The following SAP130 variants were observed in gnomAD, a reference collection of about 807,000 sequenced individuals.
SAP130 encodes the protein Sin3A associated protein 130, also known as histone deacetylase complex subunit SAP130.
SAP130 carries 16 observed loss-of-function variants against 103.2 expected under a neutral mutation model. That is an observed-to-expected ratio of 0.16 (90% CI 0.10 to 0.24). The LOEUF is 0.24. Ranked by LOEUF, SAP130 falls within the 10% of genes least tolerant of loss-of-function variation. The pLI is 1.00. For missense variants in SAP130, 990 were observed against 1,359.7 expected (o/e 0.73, Z 4.28); for synonymous variants, 477 against 497.0 (o/e 0.96, Z 0.53).
chr2:128,007,199 T>C (rs1415308663), intron 7 of SAP130, among the ~76,000 whole-genome samples: 4 of 152,152 alleles, frequency 2.6e-5, no homozygotes. Context: ...GGATTGAAAA[T>C]ATTCAAAGGG....
chr2:127,950,017 CA>C (rs1387026234), intron 17 of SAP130, 23 bp from the exon 18 acceptor site: 1 of 1,613,320 alleles, frequency 6.2e-7, no homozygotes, highest in Non-Finnish European at 8.5e-7. Flanking sequence ...AGACATTAAA[CA>C]ACTTAGTAAC....
At position 127,942,124 on chromosome 2, in the gene SAP130, C is replaced by A. The variant is rs1487720210; in HGVS notation, c.3056G>T (p.Ser1019Ile). Reference sequence around the variant, plus strand: ...CTTAAGCATGGAGTCTCTGGCTTCACTGATTTGATCCATCACAAGTTTACA... The same window carrying A: ...CTTAAGCATGGAGTCTCTGGCTTCAATGATTTGATCCATCACAAGTTTACA... ...QRCKLVMDQI[S>I]EARDSMLKVL... Residue 1019 changes from serine (S) to isoleucine (I), a missense_variant, in exon 21 of 21, where the codon AGT (serine) becomes ATT (isoleucine). Ser to Ile is a moderately radical substitution (Grantham distance 142). Coordinates refer to ENST00000643581, the MANE Select transcript of SAP130 (RefSeq NM_001330301.2). The surrounding 1 kb of genome is among the most constrained non-coding windows in gnomAD (Gnocchi z 4.8). The A allele has an allele frequency of 2.5e-6, 4 of 1,602,340 alleles. No individual in the cohort carries two copies. The African/African-American group carries it at 4.1e-5, about 16-fold the overall frequency.
chr2:127,965,421 G>T (rs913719745), intron 15 of SAP130, among the ~76,000 whole-genome samples: 4 of 152,068 alleles, frequency 2.6e-5, no homozygotes, highest in African/African-American at 9.7e-5. Context: ...AGCCAAGCCA[G>T]GATTGTGCCA....
chr2:127,992,921 C>T (rs998057145), intron 12 of SAP130, among the ~76,000 whole-genome samples: 1 of 152,156 alleles, frequency 6.6e-6, no homozygotes, highest in Non-Finnish European at 1.5e-5. Flanking sequence ...TTCATTGTAA[C>T]TACTGTCATT....
chr2:127,998,754 G>C (rs1683344363), intron 10 of SAP130, among the ~76,000 whole-genome samples: 1 of 152,218 alleles, frequency 6.6e-6, no homozygotes, highest in African/African-American at 2.4e-5. Context: ...TCATGGTGGA[G>C]GGTCAGGAGG....
At chr2:128,015,307 TG>T (rs1189387531) in intron 4 of SAP130, among the ~76,000 whole-genome samples, 1 of 152,202 alleles carries the variant, frequency 6.6e-6, no homozygotes, top group Non-Finnish European at 1.5e-5. Flanking sequence ...TAAGCTTTTT[TG>T]TTTCTAAGTA....
chr2:128,003,028 G>A (rs551158260), intron 7 of SAP130, among the ~76,000 whole-genome samples: 9 of 152,130 alleles, frequency 5.9e-5, no homozygotes, highest in East Asian at 1.9e-4. Context: ...TTGGGAGGCC[G>A]AAGTGGGAGG....
At chr2:127,947,765 T>TGTGTGTGTGAGTGA (rs1491129151) in intron 18 of SAP130, among the ~76,000 whole-genome samples, 1 of 5,168 alleles carries the variant, frequency 1.9e-4, no homozygotes, top group Admixed American at 2.8e-3. Context: ...TGTGTGTGTC[T>TGTGTGTGTGAGTGA]GTGTGTGTGT....
Position 127,989,714 on chromosome 2 carries a change from C to T in SAP130, c.1630G>A (p.Gly544Ser), listed in dbSNP as rs1181051013. Residue 544 changes from glycine (G) to serine (S), a missense_variant, in exon 13 of 21, where the codon GGT becomes AGT. Physicochemically the swap from Gly to Ser is moderately conservative, Grantham distance 56. This residue lies in a region of SAP130 where 336 missense variants were observed against 520.1 expected (regional missense o/e 0.65). Transcript: ENST00000643581. The surrounding 1 kb of genome is among the most constrained non-coding windows in gnomAD (Gnocchi z 4.6). ...GIQPAPISTQ[G>S]IQPAPIGTPG... Reference sequence around the variant, plus strand: ...GTCCCAATGGGGGCCGGCTGGATACCCTGGGTACTGATGGGTGCTGGCTGG... The same window carrying T: ...GTCCCAATGGGGGCCGGCTGGATACTCTGGGTACTGATGGGTGCTGGCTGG... The T allele has an allele frequency of 6.2e-7, 1 of 1,613,880 alleles. No homozygotes were observed. Among genetic ancestry groups the T allele is most frequent in the African/African-American group, 1.3e-5 (1 of 74,842 alleles).
intron 14 of SAP130, among the ~76,000 whole-genome samples, chr2:127,985,283 T>C (rs976647719): frequency 6.6e-6 from 1 of 152,250 alleles, no homozygotes; most frequent in African/African-American, 2.4e-5. Context: ...TGACTTATCC[T>C]TTAAAAAAGT....
chr2:127,980,402 T>A (rs577113942), intron 14 of SAP130, among the ~76,000 whole-genome samples: 2 of 152,212 alleles, frequency 1.3e-5, no homozygotes, highest in East Asian at 3.9e-4. Flanking sequence ...TTGGTGAGGA[T>A]GAAACAATGA....
chr2:127,969,774 G>A (rs1472782623), intron 15 of SAP130, among the ~76,000 whole-genome samples: 2 of 152,160 alleles, frequency 1.3e-5, no homozygotes, highest in African/African-American at 4.8e-5. Context: ...GTATTTGTCT[G>A]TGTCCTAATT....
intron 1 of SAP130, chr2:128,027,442 T>C: frequency 9.2e-7 from 1 of 1,090,432 alleles, no homozygotes; most frequent in Non-Finnish European, 1.1e-6. Flanking sequence ...GGCGCGAGCC[T>C]GGCCGGGGCA....
chr2:127,982,870 G>A (rs542132601), intron 14 of SAP130, among the ~76,000 whole-genome samples: 1 of 152,322 alleles, frequency 6.6e-6, no homozygotes, highest in East Asian at 1.9e-4. Context: ...ATGGACTGGA[G>A]GCTGCTGGGG....
chr2:128,026,355 G>C (rs1685496810), intron 1 of SAP130, 57 bp from the exon 2 acceptor site: 1 of 1,270,546 alleles, frequency 7.9e-7, no homozygotes, highest in Non-Finnish European at 1.1e-6. Context: ...AATCAATACT[G>C]AGAAATTAAA....
At chr2:127,984,397 C>T (rs550680949) in intron 14 of SAP130, among the ~76,000 whole-genome samples, 2 of 152,346 alleles carry the variant, frequency 1.3e-5, no homozygotes, top group Admixed American at 6.5e-5. Flanking sequence ...TTTCTGTCTT[C>T]CACCGTTAGA....
chr2:127,943,513 T>TA (rs1401255782), intron 19 of SAP130, among the ~76,000 whole-genome samples: 1 of 152,232 alleles, frequency 6.6e-6, no homozygotes, highest in Non-Finnish European at 1.5e-5. Context: ...ACCACATATT[T>TA]AGACTATATG....
At chr2:128,020,416 T>G (rs1299328715) in intron 2 of SAP130, among the ~76,000 whole-genome samples, 1 of 152,246 alleles carries the variant, frequency 6.6e-6, no homozygotes, top group Non-Finnish European at 1.5e-5. Flanking sequence ...TTATAACAAA[T>G]ACACCCTATT....
intron 2 of SAP130, 51 bp downstream of exon 2, chr2:128,026,130 G>T: frequency 8.3e-7 from 1 of 1,203,992 alleles, no homozygotes; most frequent in East Asian, 2.4e-5. Context: ...TTAGAAAACT[G>T]GTAATATTCT....
Sources: gnomAD v4.1 joint callset for allele counts (sites outside exome capture counted in the v4.1 genomes callset) on GRCh38, gnomAD v4.1.1 for gene constraint, gnomAD v4.1.1 regional missense constraint, Gnocchi (gnomAD v3.1) non-coding constraint, MANE v1.5 for transcripts, NCBI Gene and HGNC (gene_info 2026-07-23, HGNC 2026-07-21) for gene names.